Variants in FAM110C observed in about 807,000 individuals in gnomAD.
The protein encoded by FAM110C is protein FAM110C.
Under a neutral mutation model 15.7 loss-of-function variants are expected in FAM110C, and 19 were observed. The ratio of observed to expected loss-of-function variants is 1.21; its 90% confidence interval spans 0.85 to 1.78. The LOEUF (loss-of-function observed/expected upper bound fraction) is 1.78. Among genes scored for constraint, FAM110C ranks in the 40% most tolerant of loss-of-function variants. FAM110C has a pLI of 0.00. For synonymous variants in FAM110C, 275 were observed against 233.9 expected (o/e 1.18, Z -1.61); for missense variants, 547 against 495.7 (o/e 1.10, Z -0.98).
Position 41,516 on chromosome 2 carries a change from T to C in FAM110C, c.*92A>G, listed in dbSNP as rs978676707. ...TTTTGTCAATGGGATGCTGCATTCC[T>C]GGTAAAACAGCAATCATGTGGTCAC... On this transcript the variant is annotated 3_prime_UTR_variant, in exon 2 of 2. Transcript: ENST00000327669. The C allele has an allele frequency of 1.3e-5, 18 of 1,435,502 alleles. No homozygotes were observed. Among genetic ancestry groups the C allele is most frequent in the Non-Finnish European group, 1.6e-5 (17 of 1,037,116 alleles). The allele number at this position is 1,435,502 out of a possible 1,614,324, so 88.9% of individuals were successfully genotyped here. A position where few individuals can be genotyped will look rare whatever the true frequency, so the allele number is the denominator to read the frequency against.
rs913173655 is a variant in FAM110C, at chr2:41,147, A to G, written c.*461T>C. On this transcript the variant is annotated 3_prime_UTR_variant, in exon 2 of 2. Coordinates refer to ENST00000327669, the MANE Select transcript of FAM110C (RefSeq NM_001077710.3). ...TATTTGACCACATAATTGAAGTAGAATATGCCTTTTTATGATTACTTTGAT... is the reference window on the plus strand; with the variant it reads ...TATTTGACCACATAATTGAAGTAGAGTATGCCTTTTTATGATTACTTTGAT... The G allele has an allele frequency of 6.4e-6, 1 of 155,142 alleles. No homozygotes were observed. Among genetic ancestry groups the G allele is most frequent in the Admixed American group, 6.5e-5 (1 of 15,350 alleles). The allele number at this position is 155,142 out of a possible 1,614,324, so 9.6% of individuals were successfully genotyped here. A position where few individuals can be genotyped will look rare whatever the true frequency, so the allele number is the denominator to read the frequency against.
At chr2:45,391 C>T (rs1664246474) in intron 1 of FAM110C, 49 bp downstream of exon 1, 1 of 1,554,452 alleles carries the variant, frequency 6.4e-7, no homozygotes, top group Non-Finnish European at 8.7e-7. Context: ...CACCAAGATT[C>T]ACAGCCCCGC....
intron 1 of FAM110C, chr2:43,189 T>C: frequency 2.0e-6 from 2 of 985,458 alleles, no homozygotes; most frequent in Non-Finnish European, 2.4e-6. Flanking sequence ...CAAAGAGGCC[T>C]GTGCTGTTTT....
Position 46,353 on chromosome 2 carries a change from C to CG in FAM110C, c.32dup (p.Asn12GlufsTer121). 7.7e-7 allele frequency: 1 copy of CG among 1,304,858 alleles called. No homozygotes were observed. The highest frequency in any genetic ancestry group is 9.7e-7 in the Non-Finnish European group (1 of 1,030,012). 80.8% of individuals were successfully genotyped at this position (1,304,858 alleles called of 1,614,324 possible). On this transcript the variant is annotated frameshift_variant, in exon 1 of 2. Transcript: ENST00000327669. LOFTEE classifies it high-confidence loss of function. The stretch of plus-strand genomic sequence containing the variant: ...GGTCCCGGGGAAGGAGCCGCTCGTT[C>CG]GGGGGCGCGCTCAGGGCCGCCAGGG...
rs749471252 is a variant in FAM110C at position 45,602 on chromosome 2, G to C, written c.784C>G (p.Arg262Gly). Residue 262 changes from arginine to glycine, a missense_variant, in exon 1 of 2, where the codon CGG becomes GGG. Arg to Gly is a moderately radical substitution (Grantham distance 125). Coordinates refer to ENST00000327669, the MANE Select transcript of FAM110C (RefSeq NM_001077710.3). ...CCCTCGTCGTCGCCGCCGCTGTGCC[G>C]GGAGAAGCCGCTGCCGGAGGTGGCG... ...SVATSGSGFS[R>G]HSGGDDEGLQ... The C allele has an allele frequency of 6.2e-7, 1 of 1,612,342 alleles. No individual in the cohort carries two copies. Among genetic ancestry groups the C allele is most frequent in the Non-Finnish European group, 8.5e-7 (1 of 1,179,758 alleles).
Position 45,820 on chromosome 2 carries a change from G to T in FAM110C, c.566C>A (p.Pro189Gln). 2 of 1,544,998 alleles carry T rather than the reference G, an allele frequency of 1.3e-6. No homozygotes were observed. Among genetic ancestry groups the T allele is most frequent in the Non-Finnish European group, 1.7e-6 (2 of 1,149,204 alleles). ...SVPAAPPGPE[P>Q]RVVRRRGLQR... Reference sequence around the variant, plus strand: ...CAGCCCCCGACGCCTCACCACCCGCGGCTCTGGCCCAGGGGGCGCGGCCGG... The same window carrying T: ...CAGCCCCCGACGCCTCACCACCCGCTGCTCTGGCCCAGGGGGCGCGGCCGG... The change falls in exon 1 of 2, where the codon CCG becomes CAG. Residue 189 changes from proline to glutamine, a missense_variant. Pro to Gln is a moderately conservative substitution (Grantham distance 76, BLOSUM62 -1). Coordinates refer to ENST00000327669, the MANE Select transcript of FAM110C (RefSeq NM_001077710.3).
intron 1 of FAM110C, chr2:43,258 C>T (rs977649327): frequency 1.8e-5 from 18 of 985,246 alleles, no homozygotes; most frequent in Non-Finnish European, 2.0e-5. Context: ...CTGCCAATTC[C>T]ATATAAAAAC....
chr2:43,152 G>A lies in FAM110C; in HGVS notation c.947-1525C>T, dbSNP rs575542752. 1.5e-4 allele frequency: 146 copies of A among 985,398 alleles called. No homozygotes were observed. The African/African-American group carries it at 2.2e-3, about 15-fold the overall frequency. The allele number at this position is 985,398 out of a possible 1,614,324, so 61.0% of individuals were successfully genotyped here. On this transcript the variant is annotated intron_variant, in intron 1 of 1. Coordinates refer to ENST00000327669, the MANE Select transcript of FAM110C (RefSeq NM_001077710.3). ...CTCATACACCCCACCCCTGGTAGCC[G>A]GGCAGTAAGTCTCTGCATTGCAGTT...
intron 1 of FAM110C, chr2:43,173 C>A (rs1002469277): frequency 3.0e-6 from 3 of 985,338 alleles, no homozygotes; most frequent in Non-Finnish European, 3.6e-6. Context: ...CTCTGCATTG[C>A]AGTTTCAAAG....
chr2:45,295 T>G, intron 1 of FAM110C, 145 bp downstream of exon 1: 1 of 1,425,054 alleles, frequency 7.0e-7, no homozygotes, highest in Non-Finnish European at 9.1e-7. Flanking sequence ...TCTGCGTCAG[T>G]CTCTTGGGTC....
chr2:46,333 CG>C lies in FAM110C; in HGVS notation c.52del (p.Arg18GlyfsTer78), dbSNP rs1210114687. On this transcript the variant is annotated frameshift_variant, in exon 1 of 2. Transcript: ENST00000327669. LOFTEE classifies it high-confidence loss of function. ...GGGGTCCCGGGTAGCCGCGGGGTCC[CG>C]GGGAAGGAGCCGCTCGTTCGGGGGC... Reference protein sequence around the residue: ...SAPPNERLLPRDPAATRDPDA... With the variant: ...SAPPNERLLPXDPAATRDPDA... 1.5e-6 allele frequency: 2 copies of C among 1,317,810 alleles called. No homozygotes were observed. Among genetic ancestry groups the C allele is most frequent in the South Asian group, 2.2e-5 (1 of 46,400 alleles). The allele number at this position is 1,317,810 out of a possible 1,614,324, so 81.6% of individuals were successfully genotyped here.
At position 46,353 on chromosome 2, in the gene FAM110C, CG is replaced by C; in HGVS notation, c.32del (p.Pro11ArgfsTer85). ...GGTCCCGGGGAAGGAGCCGCTCGTT[CG>C]GGGGCGCGCTCAGGGCCGCCAGGGC... MRALAALSAP[P>X]NERLLPRDPA... On this transcript the variant is annotated frameshift_variant, in exon 1 of 2. Transcript: ENST00000327669. LOFTEE classifies it high-confidence loss of function. The C allele has an allele frequency of 1.5e-6, 2 of 1,304,852 alleles. No individual in the cohort carries two copies. The highest frequency in any genetic ancestry group is 1.9e-6 in the Non-Finnish European group (2 of 1,030,010). 80.8% of individuals were successfully genotyped at this position (1,304,852 alleles called of 1,614,324 possible).
In FAM110C at chr2:45,490, G is replaced by A; in HGVS notation, c.896C>T (p.Thr299Ile). The A allele has an allele frequency of 6.2e-7, 1 of 1,614,122 alleles. No homozygotes were observed. Among genetic ancestry groups the A allele is most frequent in the Non-Finnish European group, 8.5e-7 (1 of 1,179,994 alleles). ...RNARIIKWLY[T>I]CKKAKETPSQ... ...GGGGGTCTCCTTGGCCTTCTTACAG[G>A]TGTACAGCCACTTGATGATGCGGGC... is the stretch of plus-strand genomic sequence containing the variant. Residue 299 changes from threonine to isoleucine, a missense_variant, in exon 1 of 2, where the codon ACC (threonine) becomes ATC (isoleucine). Coordinates refer to ENST00000327669, the MANE Select transcript of FAM110C (RefSeq NM_001077710.3).
chr2:44,969 G>C (rs756694692), intron 1 of FAM110C: 38 of 985,264 alleles, frequency 3.9e-5, no homozygotes, highest in Non-Finnish European at 4.5e-5. Flanking sequence ...ACACAGCAGC[G>C]CCTACCTAGG....
At chr2:44,731 T>C (rs1664229655) in intron 1 of FAM110C, 3 of 985,424 alleles carry the variant, frequency 3.0e-6, no homozygotes, top group Non-Finnish European at 2.4e-6. Flanking sequence ...GGTTACTTCC[T>C]GTAGTGTCAT....
chr2:45,836 GC>G lies in FAM110C; in HGVS notation c.549del (p.Pro185LeufsTer8). ...ACCACCCGCGGCTCTGGCCCAGGGG[GC>G]GCGGCCGGGACACTGGAGGGCGCCG... ...RSAAPSSVPA[A>X]PPGPEPRVVR... On this transcript the variant is annotated frameshift_variant, in exon 1 of 2. Coordinates refer to ENST00000327669, the MANE Select transcript of FAM110C (RefSeq NM_001077710.3). LOFTEE classifies it high-confidence loss of function. 1 of 1,538,720 alleles carries G rather than the reference GC, an allele frequency of 6.5e-7. No individual in the cohort carries two copies.
intron 1 of FAM110C, chr2:42,266 ATTTC>A (rs1664147240): frequency 1.0e-6 from 1 of 985,414 alleles, no homozygotes. Flanking sequence ...TTCTACAGGT[ATTTC>A]TTTTTTCTTT....
intron 1 of FAM110C, chr2:44,272 G>A: frequency 1.0e-6 from 1 of 985,168 alleles, no homozygotes. Context: ...TGAGCCTTCT[G>A]AGTTCAAGAA....
rs1664122874 is a variant in FAM110C, at chr2:41,462, T to C, written c.*146A>G. 1.2e-6 allele frequency: 1 copy of C among 821,392 alleles called. No homozygotes were observed. The highest frequency in any genetic ancestry group is 1.9e-6 in the Non-Finnish European group (1 of 528,246). The allele number at this position is 821,392 out of a possible 1,614,324, so 50.9% of individuals were successfully genotyped here. ...AAGGTCTGTGTTCCCATATTCTCTG[T>C]AGTATTTTAAACCTTCTCAGAGCAC... On this transcript the variant is annotated 3_prime_UTR_variant, in exon 2 of 2. Transcript: ENST00000327669.
Sources: allele counts gnomAD v4.1 joint callset, GRCh38; gene constraint gnomAD v4.1.1; transcripts MANE v1.5; gene names NCBI Gene and HGNC (gene_info 2026-07-23, HGNC 2026-07-21).